Variants in ARMH1 observed in about 807,000 individuals in gnomAD.
ARMH1 encodes the protein armadillo-like helical domain containing protein 1.
In ARMH1, 34 loss-of-function variants were observed where a neutral mutation model predicts 50.2. That is an observed-to-expected ratio of 0.68 (90% CI 0.51 to 0.90). The LOEUF is 0.90. Ranked by LOEUF, ARMH1 falls within the 40% of genes least tolerant of loss-of-function variation. The pLI is 0.00. For missense variants in ARMH1, 538 were observed against 553.9 expected, an observed-to-expected ratio of 0.97 and a Z score of 0.29; for synonymous variants, 221 against 224.2, an observed-to-expected ratio of 0.99 and a Z score of 0.13.
chr1:44,717,503 T>C (rs771522873), intron 6 of ARMH1, among the ~76,000 whole-genome samples: 4 of 152,176 alleles, frequency 2.6e-5, no homozygotes, highest in Non-Finnish European at 5.9e-5. Context: ...CTCCATCCCC[T>C]ATCATCTCCA....
chr1:44,714,512 G>A (rs1292115121), intron 6 of ARMH1, among the ~76,000 whole-genome samples: 1 of 151,968 alleles, frequency 6.6e-6, no homozygotes, highest in Non-Finnish European at 1.5e-5. Context: ...TTGAACCCGG[G>A]AGGCGGAGGT....
At chr1:44,696,239 C>A (rs1392082141) in intron 2 of ARMH1, among the ~76,000 whole-genome samples, 1 of 152,226 alleles carries the variant, frequency 6.6e-6, no homozygotes, top group Non-Finnish European at 1.5e-5. Flanking sequence ...TATTGGCATC[C>A]TGGGAACCAG....
rs1647843706 is a variant in ARMH1, at chr1:44,724,106, C to T, written c.725-16C>T. ...GGGGCCTGGGGCCTCTCTCCAGCAC[C>T]TCTGCCCTTCCGCAGCCATCGAGTT... On this transcript the variant is annotated splice_polypyrimidine_tract_variant and intron_variant, in intron 6 of 11. Coordinates refer to ENST00000535358, the MANE Select transcript of ARMH1 (RefSeq NM_001145636.2). The surrounding 1 kb of genome is among the most constrained non-coding windows in gnomAD (Gnocchi z 6.4). 1 of 1,550,486 alleles carries T rather than the reference C, an allele frequency of 6.4e-7. No individual in the cohort carries two copies. Among genetic ancestry groups the T allele is most frequent in the Non-Finnish European group, 8.7e-7 (1 of 1,146,252 alleles).
Position 44,724,399 on chromosome 1 carries a change from G to A in ARMH1, c.920+7G>A. The A allele has an allele frequency of 6.5e-7, 1 of 1,549,086 alleles. No individual in the cohort carries two copies. Among genetic ancestry groups the A allele is most frequent in the Non-Finnish European group, 8.7e-7 (1 of 1,146,788 alleles). On this transcript the variant is annotated splice_region_variant and intron_variant, in intron 8 of 11. Coordinates refer to ENST00000535358, the MANE Select transcript of ARMH1 (RefSeq NM_001145636.2). This position sits in a 1 kb window ranked among gnomAD's most constrained non-coding sequence, Gnocchi z 6.4. ...CGGCCGCCAAGGCCATCGGGTAAGC[G>A]GGCAGGGGTTAGTGGGTAGCTGCAG...
chr1:44,722,707 T>C (rs949858152), intron 6 of ARMH1, among the ~76,000 whole-genome samples: 3 of 150,588 alleles, frequency 2.0e-5, no homozygotes, highest in African/African-American at 7.3e-5. Context: ...CACTCCAGCC[T>C]GAGTGATGAC....
chr1:44,690,183 A>C (rs1391710817), intron 2 of ARMH1, among the ~76,000 whole-genome samples: 3 of 152,160 alleles, frequency 2.0e-5, no homozygotes, highest in Non-Finnish European at 4.4e-5. Context: ...ATGCCACTGC[A>C]CTCCAGCCTG....
Position 44,724,250 on chromosome 1 carries a change from G to C in ARMH1, c.847+6G>C. Reference sequence around the variant, plus strand: ...GCAGGCCAAGATCCTCAGTGGTAAGGACCTGCTCAAATGGGGCTGCCTGGG... The same window carrying C: ...GCAGGCCAAGATCCTCAGTGGTAAGCACCTGCTCAAATGGGGCTGCCTGGG... On this transcript the variant is annotated splice_donor_region_variant and intron_variant, in intron 7 of 11. Coordinates refer to ENST00000535358, the MANE Select transcript of ARMH1 (RefSeq NM_001145636.2). The surrounding 1 kb of genome is among the most constrained non-coding windows in gnomAD (Gnocchi z 6.4). 6.4e-7 allele frequency: 1 copy of C among 1,551,654 alleles called. No homozygotes were observed. Among genetic ancestry groups the C allele is most frequent in the Non-Finnish European group, 8.7e-7 (1 of 1,146,958 alleles).
In ARMH1 at chr1:44,704,114, G is replaced by C; in HGVS notation, c.665G>C (p.Ser222Thr). ...CCAATCATTGGGACCACACACCCCA[G>C]CATCGTGGACTGCGTGCTGAAGGTG... is the stretch of plus-strand genomic sequence containing the variant. The part of the protein sequence containing the change: ...AQPIIGTTHP[S>T]IVDCVLKVLG... The change falls in exon 6 of 12, where the codon AGC becomes ACC. Residue 222 changes from serine (S) to threonine (T), a missense_variant. Physicochemically the swap from Ser to Thr is moderately conservative, Grantham distance 58 (BLOSUM62 1). Transcript: ENST00000535358. The C allele has an allele frequency of 6.4e-7, 1 of 1,550,982 alleles. No individual in the cohort carries two copies. Among genetic ancestry groups the C allele is most frequent in the African/African-American group, 1.4e-5 (1 of 73,086 alleles).
chr1:44,718,259 G>A (rs1182931388), intron 6 of ARMH1, among the ~76,000 whole-genome samples: 2 of 152,162 alleles, frequency 1.3e-5, no homozygotes, highest in East Asian at 1.9e-4. Flanking sequence ...CTGGCATTAC[G>A]CACTGCCAGC....
At chr1:44,684,908 C>G (rs572375729) in intron 1 of ARMH1, among the ~76,000 whole-genome samples, 1 of 152,152 alleles carries the variant, frequency 6.6e-6, no homozygotes. Flanking sequence ...GCCCTTCCCC[C>G]ACCTGACTCC....
intron 6 of ARMH1, among the ~76,000 whole-genome samples, chr1:44,710,577 C>G (rs936508732): frequency 6.8e-6 from 1 of 146,424 alleles, no homozygotes; most frequent in African/African-American, 2.6e-5. Context: ...CCACTGCACT[C>G]CAGCCTAGGC....
At chr1:44,679,179 G>A (rs1645229653) in intron 1 of ARMH1, among the ~76,000 whole-genome samples, 2 of 152,108 alleles carry the variant, frequency 1.3e-5, no homozygotes, top group Non-Finnish European at 2.9e-5. Context: ...TTGATTTTTT[G>A]CACCGTTTTC....
intron 1 of ARMH1, among the ~76,000 whole-genome samples, chr1:44,688,669 G>C (rs1476661655): frequency 6.6e-6 from 1 of 152,086 alleles, no homozygotes; most frequent in Non-Finnish European, 1.5e-5. Context: ...ACTTTCACTT[G>C]TCTGTTAGAC....
At chr1:44,675,522 G>T (rs1176480016) in intron 1 of ARMH1, among the ~76,000 whole-genome samples, 3 of 151,980 alleles carry the variant, frequency 2.0e-5, no homozygotes, top group Non-Finnish European at 4.4e-5. Context: ...AATTAGCCAG[G>T]CATGGTAGCG....
In ARMH1 at chr1:44,683,170, A is replaced by G. The variant is rs1350602361; in HGVS notation, c.-22-6506A>G. 6.6e-6 allele frequency among the ~76,000 whole-genome samples: 1 copy of G among 152,210 alleles called. No individual in the cohort carries two copies. The highest frequency in any genetic ancestry group is 1.5e-5 in the Non-Finnish European group (1 of 68,038). On this transcript the variant is annotated intron_variant, in intron 1 of 11. Coordinates refer to ENST00000535358, the MANE Select transcript of ARMH1 (RefSeq NM_001145636.2). The surrounding 1 kb of genome is among the most constrained non-coding windows in gnomAD (Gnocchi z 4.2). ...GAGGGCAAGGGAGAGGAATAAGTCAAAGACAACTTTTGGCTGACTAGGAGG... is the reference window on the plus strand; with the variant it reads ...GAGGGCAAGGGAGAGGAATAAGTCAGAGACAACTTTTGGCTGACTAGGAGG...
chr1:44,689,748 A>G lies in ARMH1; in HGVS notation c.51A>G (p.Leu17=). ...CAATTAGCAGGCTCTTAAGTTTTTT[A>G]CAGGAGTGGGACAACGCTGGCAAAG... ...QAAISRLLSF[L]QEWDNAGKVA... Residue 17 remains leucine (L), a synonymous_variant, in exon 2 of 12, where the codon TTA becomes TTG. Coordinates refer to ENST00000535358, the MANE Select transcript of ARMH1 (RefSeq NM_001145636.2). 1 of 1,552,008 alleles carries G rather than the reference A, an allele frequency of 6.4e-7. No homozygotes were observed. The highest frequency in any genetic ancestry group is 2.4e-5 in the East Asian group (1 of 40,928).
At chr1:44,686,765 T>G (rs1194300640) in intron 1 of ARMH1, among the ~76,000 whole-genome samples, 1 of 150,174 alleles carries the variant, frequency 6.7e-6, no homozygotes, top group African/African-American at 2.5e-5. Flanking sequence ...AAAATGGGAG[T>G]TAGAGTGGTG....
chr1:44,688,877 A>G (rs927662859), intron 1 of ARMH1, among the ~76,000 whole-genome samples: 1 of 152,100 alleles, frequency 6.6e-6, no homozygotes, highest in African/African-American at 2.4e-5. Flanking sequence ...TTTTCTTCCC[A>G]CTAACTTTTT....
chr1:44,700,856 A>G (rs768474560), intron 4 of ARMH1, 67 bp from the exon 5 acceptor site: 1 of 1,364,208 alleles, frequency 7.3e-7, no homozygotes. Context: ...TTCATATTAT[A>G]TAATCTTGAG....
Sources: gnomAD v4.1 joint callset for allele counts (sites outside exome capture counted in the v4.1 genomes callset) on GRCh38, gnomAD v4.1.1 for gene constraint, Gnocchi (gnomAD v3.1) non-coding constraint, MANE v1.5 for transcripts, NCBI Gene and HGNC (gene_info 2026-07-23, HGNC 2026-07-21) for gene names.